Variants in SMG1 observed in about 807,000 individuals in gnomAD.
The protein encoded by SMG1 is SMG1 nonsense mediated mRNA decay associated PI3K related kinase.
SMG1 carries 22 observed loss-of-function variants against 419.9 expected under a neutral mutation model. The observed-to-expected ratio is 0.05, with a 90% CI of 0.04 to 0.07. The LOEUF is 0.07. Among genes scored for constraint, SMG1 ranks in the 10% least tolerant of loss-of-function variants. The pLI is 1.00. For synonymous variants in SMG1, 1,538 were observed against 1,553.5 expected (o/e 0.99, Z 0.23); for missense variants, 3,185 against 4,342.0 (o/e 0.73, Z 7.49).
In SMG1 at chr16:18,890,877, G is replaced by A. The variant is rs1053906712; in HGVS notation, c.594C>T (p.Asp198=). ...QLDNILAAVH[D]VLNESSKLLQ... is the part of the protein sequence containing the mutation. ...TAGTTACTTACCTTTCATTAAGCAC[G>A]TCATGTACAGCAGCCAAGATATTAT... Residue 198 remains aspartate (D), a synonymous_variant, in exon 5 of 63, where the codon GAC becomes GAT. Transcript: ENST00000446231. The A allele has an allele frequency of 4.4e-5, 70 of 1,578,082 alleles. No homozygotes were observed. In the South Asian group the frequency reaches 4.4e-4, roughly 10 times the overall value.
chr16:18,833,221 A>G, intron 50 of SMG1, 55 bp from the exon 51 acceptor site: 2 of 1,390,554 alleles, frequency 1.4e-6, no homozygotes, highest in East Asian at 2.4e-5. Flanking sequence ...GCTAAGTTAC[A>G]CATTTGGAGA....
rs1336379937 is a variant in SMG1, at chr16:18,812,426, C to T, written c.10622-299G>A. Among the ~76,000 whole-genome samples the T allele has an allele frequency of 3.3e-5, 5 of 151,588 alleles. No homozygotes were observed. The South Asian group carries it at 6.3e-4, about 19-fold the overall frequency. ...AGCACTTTGGGGAGGCTGAAGTGGG[C>T]GGATCAGTTGAGGTCAGGAATTTAT... is the stretch of plus-strand genomic sequence containing the variant. On this transcript the variant is annotated intron_variant, in intron 60 of 62. Coordinates refer to ENST00000446231, the MANE Select transcript of SMG1 (RefSeq NM_015092.5).
In SMG1 at chr16:18,812,189, G is replaced by T; in HGVS notation, c.10622-62C>A. ...AACAGAACATGGAGGGGGCAGAGTG[G>T]AGCAAGCACGGGATAGGTGGTAGTG... On this transcript the variant is annotated intron_variant, in intron 60 of 62. Transcript: ENST00000446231. The T allele has an allele frequency of 2.0e-6, 3 of 1,515,456 alleles. No homozygotes were observed. The South Asian group carries it at 3.8e-5, about 19-fold the overall frequency. 93.9% of individuals were successfully genotyped at this position (1,515,456 alleles called of 1,614,324 possible).
rs1002711016 is a variant in SMG1, at chr16:18,853,651, G to A, written c.4700C>T (p.Thr1567Ile). Residue 1567 changes from threonine to isoleucine, a missense_variant, in exon 31 of 63, where the codon ACT becomes ATT. Thr to Ile is a moderately conservative substitution (Grantham distance 89). Coordinates refer to ENST00000446231, the MANE Select transcript of SMG1 (RefSeq NM_015092.5). ...GLSTLSKNIL[T>I]LIELPSVNTM... Reference sequence around the variant, plus strand: ...ATTAACAGATGGCAGTTCTATTAGAGTGAGTATGTTTTTAGACAAAGTAGA... The same window carrying A: ...ATTAACAGATGGCAGTTCTATTAGAATGAGTATGTTTTTAGACAAAGTAGA... The A allele has an allele frequency of 6.2e-7, 1 of 1,612,074 alleles. No individual in the cohort carries two copies. The highest frequency in any genetic ancestry group is 8.5e-7 in the Non-Finnish European group (1 of 1,178,876).
intron 1 of SMG1, among the ~76,000 whole-genome samples, chr16:18,908,417 A>G (rs1311368565): frequency 2.7e-5 from 4 of 148,026 alleles, no homozygotes; most frequent in Non-Finnish European, 5.9e-5. Flanking sequence ...ATTAAGAATC[A>G]CTAAGAGTTA....
rs781128832 is a variant in SMG1 at position 18,842,444 on chromosome 16, C to T, written c.6230G>A (p.Ser2077Asn). The T allele has an allele frequency of 5.6e-6, 9 of 1,613,474 alleles. No individual in the cohort carries two copies. Among genetic ancestry groups the T allele is most frequent in the Non-Finnish European group, 6.8e-6 (8 of 1,179,640 alleles). ...ACGTTTCTGTGCTCTCTGTTGCAAA[C>T]TTAGCATTATCTATATTCATAAGAT... Reference protein sequence around the residue: ...SWIPFKEIMLSLQQRAQKRAS... With the variant: ...SWIPFKEIMLNLQQRAQKRAS... The change falls in exon 40 of 63, where the codon AGT (serine) becomes AAT (asparagine). Residue 2077 changes from serine (S) to asparagine (N), a missense_variant. Around this residue, in one of 27 missense-constraint regions of SMG1, gnomAD observed 159 missense variants for 196.0 expected, o/e 0.81. Coordinates refer to ENST00000446231, the MANE Select transcript of SMG1 (RefSeq NM_015092.5).
At chr16:18,883,719 G>C (rs1170634043) in intron 9 of SMG1, among the ~76,000 whole-genome samples, 1 of 152,168 alleles carries the variant, frequency 6.6e-6, no homozygotes, top group Admixed American at 6.6e-5. Context: ...AGGAGTTTGA[G>C]ACCAGCCTGG....
chr16:18,829,902 G>A, intron 53 of SMG1, 24 bp downstream of exon 53: 7 of 1,505,018 alleles, frequency 4.7e-6, no homozygotes, highest in Non-Finnish European at 5.3e-6. Flanking sequence ...GCTAAAGCTA[G>A]TATGTTTACA....
At chr16:18,874,297 C>T (rs1237179211) in intron 13 of SMG1, among the ~76,000 whole-genome samples, 1 of 151,808 alleles carries the variant, frequency 6.6e-6, no homozygotes, top group Non-Finnish European at 1.5e-5. Flanking sequence ...CACCACCACC[C>T]CTGGCTAATT....
chr16:18,869,820 T>C (rs377739068), intron 19 of SMG1, 34 bp downstream of exon 19: 133 of 1,565,060 alleles, frequency 8.5e-5, no homozygotes, highest in Non-Finnish European at 1.1e-4. Flanking sequence ...TAAAATTATG[T>C]TTCCCAGATA....
intron 39 of SMG1, among the ~76,000 whole-genome samples, chr16:18,843,359 A>T (rs1314744491): frequency 1.3e-5 from 2 of 152,230 alleles, no homozygotes; most frequent in Non-Finnish European, 2.9e-5. Context: ...TGACCACTTG[A>T]GGTTTGCAGA....
intron 1 of SMG1, 62 bp downstream of exon 1, chr16:18,925,888 G>C: frequency 7.5e-7 from 1 of 1,333,860 alleles, no homozygotes; most frequent in Non-Finnish European, 1.0e-6. Context: ...GCGGCCCTAG[G>C]CCTCGGCCCG....
At chr16:18,811,889 C>T (rs755869618) in intron 61 of SMG1, 22 bp from the exon 62 acceptor site, 59 of 1,613,278 alleles carry the variant, frequency 3.7e-5, no homozygotes, top group Admixed American at 5.0e-5. Context: ...CAAAAACATA[C>T]GTAAGTCAAA....
intron 1 of SMG1, chr16:18,924,895 T>C (rs1411045050): frequency 6.6e-6 from 1 of 152,246 alleles, no homozygotes; most frequent in Non-Finnish European, 1.5e-5. Flanking sequence ...TGGAATTACA[T>C]GTAACTATCA....
At chr16:18,906,361 T>A (rs893659455) in intron 1 of SMG1, among the ~76,000 whole-genome samples, 2 of 152,102 alleles carry the variant, frequency 1.3e-5, no homozygotes, top group Non-Finnish European at 2.9e-5. Context: ...TGCGCACCTG[T>A]AATTCCAGCT....
Position 18,837,430 on chromosome 16 carries a change from T to C in SMG1, c.7427A>G (p.Lys2476Arg), listed in dbSNP as rs1168389589. ...RVAEIKVNWF[K>R]NRDEMLVVLP... is the part of the protein sequence containing the mutation. ...CACAACCAGCATCTCATCTCTATTCTTAAACCAGTTCACCTGTAAAAAGAT... is the reference window on the plus strand; with the variant it reads ...CACAACCAGCATCTCATCTCTATTCCTAAACCAGTTCACCTGTAAAAAGAT... The change falls in exon 46 of 63, where the codon AAG becomes AGG. Residue 2476 changes from lysine (K) to arginine (R), a missense_variant. Around this residue, in one of 27 missense-constraint regions of SMG1, gnomAD observed 412 missense variants for 546.6 expected, o/e 0.75. Transcript: ENST00000446231. 2.5e-6 allele frequency: 4 copies of C among 1,612,840 alleles called. No individual in the cohort carries two copies. The South Asian group carries it at 3.3e-5, about 13-fold the overall frequency.
chr16:18,847,677 CTTTGTAAG>C (rs72373664), intron 37 of SMG1, 70 bp from the exon 38 acceptor site: 150,951 of 1,601,424 alleles, frequency 0.094, 7,653 homozygotes, highest in Middle Eastern at 0.15. Context: ...AAACACTGGA[CTTTGTAAG>C]TTAAGTGTGT....
intron 1 of SMG1, among the ~76,000 whole-genome samples, chr16:18,914,779 C>A (rs139983543): frequency 0.013 from 1,958 of 152,140 alleles, 54 homozygotes; most frequent in African/African-American, 0.045. Context: ...TAATGGGATG[C>A]CAGAAGGCTC....
chr16:18,875,801 C>T (rs565755883), intron 13 of SMG1: 10 of 391,828 alleles, frequency 2.6e-5, no homozygotes, highest in Admixed American at 2.1e-4. Flanking sequence ...AACAACTACA[C>T]AAATTTGAGC....
Sources: gnomAD v4.1 joint callset for allele counts (sites outside exome capture counted in the v4.1 genomes callset) on GRCh38, gnomAD v4.1.1 for gene constraint, gnomAD v4.1.1 regional missense constraint, MANE v1.5 for transcripts, NCBI Gene and HGNC (gene_info 2026-07-23, HGNC 2026-07-21) for gene names.